Variants in UBAP2 observed in about 807,000 individuals in gnomAD.
UBAP2 encodes the protein ubiquitin-associated protein 2.
A neutral mutation model predicts 139.6 loss-of-function variants in UBAP2; 75 were observed. That is an observed-to-expected ratio of 0.54 (90% CI 0.45 to 0.65). The LOEUF is 0.65. Ranked by LOEUF, UBAP2 falls within the 30% of genes least tolerant of loss-of-function variation. The pLI, the probability that UBAP2 is intolerant of heterozygous loss-of-function variation, is 0.00. For missense variants in UBAP2, 1,368 were observed against 1,369.6 expected (o/e 1.00, Z 0.02); for synonymous variants, 526 against 526.2 (o/e 1.00, Z 0.01).
At chr9:34,007,779 C>T (rs1434884188) in intron 2 of UBAP2, among the ~76,000 whole-genome samples, 1 of 151,712 alleles carries the variant, frequency 6.6e-6, no homozygotes, top group Admixed American at 6.6e-5. Flanking sequence ...GCTGGGACTA[C>T]AGGCACCCGC....
At chr9:33,985,762 CTGTAATCCTACCGCT>C in intron 6 of UBAP2, among the ~76,000 whole-genome samples, 2 of 152,094 alleles carry the variant, frequency 1.3e-5, no homozygotes, top group South Asian at 4.2e-4. Flanking sequence ...TGGCTCATGC[CTGTAATCCTACCGCT>C]TTGGGAGGAT....
intron 2 of UBAP2, among the ~76,000 whole-genome samples, chr9:33,999,183 C>G (rs751351900): frequency 4.5e-4 from 68 of 152,024 alleles, no homozygotes; most frequent in Admixed American, 7.2e-4. Context: ...AGCAGAAGAA[C>G]AAAAAATAAT....
intron 11 of UBAP2, among the ~76,000 whole-genome samples, chr9:33,954,264 G>GTA (rs78226943): frequency 1.2e-4 from 15 of 122,232 alleles, no homozygotes; most frequent in African/African-American, 3.3e-4. Flanking sequence ...TTAAGTGTGT[G>GTA]TATATACACA....
intron 2 of UBAP2, among the ~76,000 whole-genome samples, chr9:34,009,710 T>C (rs1823577521): frequency 6.6e-6 from 1 of 152,012 alleles, no homozygotes; most frequent in South Asian, 2.1e-4. Context: ...TCCTCCCACC[T>C]CTGCTGGGAC....
chr9:34,027,833 G>A (rs1156271616), intron 1 of UBAP2, among the ~76,000 whole-genome samples: 2 of 148,552 alleles, frequency 1.3e-5, no homozygotes, highest in Non-Finnish European at 3.0e-5. Flanking sequence ...CTGCACTCCA[G>A]GCTGGGCGAC....
chr9:34,040,256 G>A (rs10814063), intron 1 of UBAP2, among the ~76,000 whole-genome samples: 19,242 of 149,476 alleles, frequency 0.13, 1,519 homozygotes, highest in South Asian at 0.33. Flanking sequence ...CTCGGGAGGC[G>A]GAGGTTGCAG....
chr9:34,038,177 G>A (rs910696563), intron 1 of UBAP2, among the ~76,000 whole-genome samples: 25 of 147,278 alleles, frequency 1.7e-4, no homozygotes, highest in African/African-American at 5.8e-4. Flanking sequence ...AAGGTCGGGC[G>A]CGGTGGCTCC....
intron 4 of UBAP2, among the ~76,000 whole-genome samples, chr9:33,993,240 A>T (rs952490769): frequency 6.6e-6 from 1 of 152,198 alleles, no homozygotes; most frequent in Non-Finnish European, 1.5e-5. Flanking sequence ...AGGTTAGATA[A>T]TAGGAAAAGA....
Position 33,926,924 on chromosome 9 carries a change from C to T in UBAP2, c.2463+65G>A. 2.6e-6 allele frequency: 4 copies of T among 1,534,888 alleles called. No individual in the cohort carries two copies. In the East Asian group the frequency reaches 6.8e-5, roughly 26 times the overall value. ...GCAACCTGGGCCCAACGCCAGGTTC[C>T]TGCCAGGTGCCAGCCCCCGAGGCCA... On this transcript the variant is annotated intron_variant, in intron 21 of 28. Coordinates refer to ENST00000379238, the MANE Select transcript of UBAP2 (RefSeq NM_001370062.2).
intron 1 of UBAP2, among the ~76,000 whole-genome samples, chr9:34,035,922 G>A (rs542132150): frequency 6.6e-6 from 1 of 150,914 alleles, no homozygotes; most frequent in Non-Finnish European, 1.5e-5. Flanking sequence ...GGGGGAAATC[G>A]CTTGAGCCCA....
intron 14 of UBAP2, 136 bp from the exon 15 acceptor site, chr9:33,943,725 T>C (rs1825427168): frequency 1.3e-6 from 1 of 771,004 alleles, no homozygotes; most frequent in South Asian, 2.1e-5. Context: ...AAGGAGAAAA[T>C]AGGCTAAGAC....
At chr9:33,947,961 A>G (rs891011000) in intron 13 of UBAP2, among the ~76,000 whole-genome samples, 1 of 148,002 alleles carries the variant, frequency 6.8e-6, no homozygotes, top group Non-Finnish European at 1.5e-5. Context: ...CAGCCTACGC[A>G]GCACAGGAAG....
chr9:33,944,882 G>A (rs1050046163), intron 13 of UBAP2, among the ~76,000 whole-genome samples: 3 of 152,250 alleles, frequency 2.0e-5, no homozygotes, highest in South Asian at 2.1e-4. Context: ...TGATGAACTC[G>A]TGAGAACAAT....
At chr9:34,047,105 G>C (rs981305422) in intron 1 of UBAP2, among the ~76,000 whole-genome samples, 17 of 152,016 alleles carry the variant, frequency 1.1e-4, no homozygotes, top group African/African-American at 4.1e-4. Flanking sequence ...CACCACTTTC[G>C]GGCATATTTC....
rs138534224 is a variant in UBAP2 at position 33,927,958 on chromosome 9, G to A, written c.2210C>T (p.Ser737Phe). ...CGCTGCCGTGGAGAAGGTGGCTGAG[G>A]ACTGGTGGGAAGAGGCGCTCTCCAC... is the stretch of plus-strand genomic sequence containing the variant. ...ASVESASSHQSSATFSTAATS... is the reference protein window; with the variant it reads ...ASVESASSHQFSATFSTAATS... The change falls in exon 20 of 29, where the codon TCC becomes TTC. Residue 737 changes from serine (S) to phenylalanine (F), a missense_variant. Ser to Phe is a radical substitution (Grantham distance 155). Coordinates refer to ENST00000379238, the MANE Select transcript of UBAP2 (RefSeq NM_001370062.2). 30 of 1,613,894 alleles carry A rather than the reference G, an allele frequency of 1.9e-5. No individual in the cohort carries two copies. The African/African-American group carries it at 3.6e-4, about 19-fold the overall frequency.
At chr9:34,007,642 A>AT (rs1554689984) in intron 2 of UBAP2, among the ~76,000 whole-genome samples, 18,291 of 120,164 alleles carry the variant, frequency 0.15, 1,329 homozygotes, top group Non-Finnish European at 0.18. Flanking sequence ...TGTATGTTTT[A>AT]TTTTTATTTT....
At chr9:33,984,598 A>C (rs1384345675) in intron 6 of UBAP2, among the ~76,000 whole-genome samples, 1 of 152,012 alleles carries the variant, frequency 6.6e-6, no homozygotes. Context: ...GTATCACTTG[A>C]GCCCAGGATT....
At chr9:33,931,123 T>A (rs932926832) in intron 19 of UBAP2, among the ~76,000 whole-genome samples, 6 of 152,134 alleles carry the variant, frequency 3.9e-5, no homozygotes, top group African/African-American at 1.4e-4. Context: ...AATGCATGGG[T>A]CCACTTACAG....
chr9:34,022,506 C>T (rs1290086074), intron 1 of UBAP2, among the ~76,000 whole-genome samples: 1 of 146,388 alleles, frequency 6.8e-6, no homozygotes, highest in Non-Finnish European at 1.5e-5. Context: ...GGCACGATCT[C>T]GGCCCAGCAA....
Sources: gnomAD v4.1 joint callset for allele counts (sites outside exome capture counted in the v4.1 genomes callset) on GRCh38, gnomAD v4.1.1 for gene constraint, MANE v1.5 for transcripts, NCBI Gene and HGNC (gene_info 2026-07-23, HGNC 2026-07-21) for gene names.